Variants in ELAPOR2 observed in about 807,000 individuals in gnomAD.
The protein encoded by ELAPOR2 is endosome/lysosome-associated apoptosis and autophagy regulator family member 2.
In ELAPOR2, 89 loss-of-function variants were observed where a neutral mutation model predicts 120.7. The observed-to-expected ratio is 0.74, with a 90% CI of 0.62 to 0.88. The LOEUF is 0.88. Among genes scored for constraint, ELAPOR2 ranks in the 40% least tolerant of loss-of-function variants. The probability of loss-of-function intolerance (pLI) is 0.00; values close to 1 mark genes in which losing one functional copy is unlikely to be tolerated. For missense variants in ELAPOR2, 1,134 were observed against 1,251.6 expected, an observed-to-expected ratio of 0.91 and a Z score of 1.42; for synonymous variants, 444 against 444.9, an observed-to-expected ratio of 1.00 and a Z score of 0.03.
intron 21 of ELAPOR2, among the ~76,000 whole-genome samples, chr7:86,886,144 C>G (rs554643782): frequency 1.3e-5 from 2 of 152,272 alleles, no homozygotes; most frequent in African/African-American, 4.8e-5. Context: ...CCAAAACATT[C>G]AGGGACCTGC....
chr7:87,045,988 C>T (rs1794942598), intron 1 of ELAPOR2, among the ~76,000 whole-genome samples: 5 of 151,690 alleles, frequency 3.3e-5, no homozygotes, highest in Admixed American at 3.3e-4. Flanking sequence ...AAAAGGGCAT[C>T]CAAATTGGAA....
intron 1 of ELAPOR2, among the ~76,000 whole-genome samples, chr7:87,010,986 G>T (rs368892951): frequency 6.6e-6 from 1 of 151,908 alleles, no homozygotes; most frequent in African/African-American, 2.4e-5. Flanking sequence ...AAAATATACC[G>T]ACCAGGTGCA....
At chr7:86,924,755 TG>T (rs139183478) in intron 10 of ELAPOR2, among the ~76,000 whole-genome samples, 14,394 of 151,568 alleles carry the variant, frequency 0.095, 763 homozygotes, top group African/African-American at 0.13. Context: ...CTTTTTTTTT[TG>T]AATAGATATT....
intron 2 of ELAPOR2, among the ~76,000 whole-genome samples, chr7:86,956,575 C>G (rs934157679): frequency 2.6e-5 from 4 of 152,158 alleles, no homozygotes; most frequent in Non-Finnish European, 4.4e-5. Context: ...AAAACTGATA[C>G]GTGTGACACC....
At chr7:86,988,004 ATAC>A (rs1792812800) in intron 1 of ELAPOR2, among the ~76,000 whole-genome samples, 1 of 152,192 alleles carries the variant, frequency 6.6e-6, no homozygotes, top group Admixed American at 6.5e-5. Flanking sequence ...ACACCATGGA[ATAC>A]TATGCAGCCA....
intron 19 of ELAPOR2, among the ~76,000 whole-genome samples, chr7:86,895,840 C>T (rs1195697635): frequency 6.6e-6 from 1 of 151,904 alleles, no homozygotes. Flanking sequence ...TTTTCATTTA[C>T]TCTAAAAAAC....
At chr7:86,890,438 A>C (rs1385496041) in intron 21 of ELAPOR2, among the ~76,000 whole-genome samples, 1 of 151,968 alleles carries the variant, frequency 6.6e-6, no homozygotes, top group Non-Finnish European at 1.5e-5. Flanking sequence ...GTTCATTATG[A>C]ACATTCAGGT....
In ELAPOR2 at chr7:86,918,385, C is replaced by G. The variant is rs1789666405; in HGVS notation, c.1593+57G>C. 1.0e-5 allele frequency: 6 copies of G among 575,280 alleles called. No individual in the cohort carries two copies. In the South Asian group the frequency reaches 1.4e-4, roughly 13 times the overall value. 35.6% of individuals were successfully genotyped at this position (575,280 alleles called of 1,614,324 possible). The stretch of plus-strand genomic sequence containing the variant: ...CCAACTTGCCACAAATAAATTTACA[C>G]TTGAAGGAGAATGCTAAGCTTAGAA... On this transcript the variant is annotated intron_variant, in intron 12 of 21. Coordinates refer to ENST00000450689, the MANE Select transcript of ELAPOR2 (RefSeq NM_001142749.3).
intron 1 of ELAPOR2, among the ~76,000 whole-genome samples, chr7:87,017,231 C>G (rs1793898031): frequency 6.6e-6 from 1 of 152,028 alleles, no homozygotes; most frequent in Non-Finnish European, 1.5e-5. Context: ...GGGAATTTAT[C>G]CAAGGAAATA....
At chr7:86,939,846 G>C (rs186786171) in intron 6 of ELAPOR2, among the ~76,000 whole-genome samples, 164 bp downstream of exon 6, 1 of 152,090 alleles carries the variant, frequency 6.6e-6, no homozygotes, top group South Asian at 2.1e-4. Context: ...AACAACTGTC[G>C]ATTTCTTGGG....
chr7:86,930,474 C>G (rs1380453930), intron 8 of ELAPOR2, among the ~76,000 whole-genome samples: 1 of 151,862 alleles, frequency 6.6e-6, no homozygotes, highest in African/African-American at 2.4e-5. Context: ...TTTTAATATC[C>G]TCTATATCTT....
intron 1 of ELAPOR2, among the ~76,000 whole-genome samples, chr7:87,028,933 T>A (rs189221326): frequency 1.1e-3 from 162 of 152,338 alleles, no homozygotes; most frequent in African/African-American, 3.6e-3. Flanking sequence ...ATGATCATTT[T>A]AGGGTTTTTG....
chr7:87,024,737 C>A (rs778813677), intron 1 of ELAPOR2, among the ~76,000 whole-genome samples: 1 of 151,952 alleles, frequency 6.6e-6, no homozygotes, highest in African/African-American at 2.4e-5. Flanking sequence ...ACCGATCCCA[C>A]AGAAATACAA....
chr7:86,943,517 T>C lies in ELAPOR2; in HGVS notation c.654+1382A>G, dbSNP rs139318217. Among the ~76,000 whole-genome samples, 7 of 152,038 alleles carry C rather than the reference T, an allele frequency of 4.6e-5. No individual in the cohort carries two copies. In the East Asian group the frequency reaches 1.4e-3, roughly 29 times the overall value. On this transcript the variant is annotated intron_variant, in intron 4 of 21. Coordinates refer to ENST00000450689, the MANE Select transcript of ELAPOR2 (RefSeq NM_001142749.3). ...GCAACCTCTAAAGCTGAAACATCAATAGAAGAAGGAACATGAATTTGCCAT... is the reference window on the plus strand; with the variant it reads ...GCAACCTCTAAAGCTGAAACATCAACAGAAGAAGGAACATGAATTTGCCAT...
intron 1 of ELAPOR2, among the ~76,000 whole-genome samples, chr7:86,974,460 A>G (rs1792205270): frequency 6.6e-6 from 1 of 152,200 alleles, no homozygotes; most frequent in African/African-American, 2.4e-5. Flanking sequence ...GGGTACACAC[A>G]TAATAAGATT....
intron 15 of ELAPOR2, 65 bp downstream of exon 15, chr7:86,912,007 C>T (rs528442412): frequency 3.4e-6 from 5 of 1,479,482 alleles, no homozygotes; most frequent in East Asian, 2.3e-5. Flanking sequence ...TCCATTAACA[C>T]AGAAAATATC....
intron 2 of ELAPOR2, among the ~76,000 whole-genome samples, chr7:86,958,478 C>G (rs1371847068): frequency 2.0e-5 from 3 of 151,930 alleles, no homozygotes; most frequent in African/African-American, 7.3e-5. Context: ...TTATTTAACC[C>G]CCTTAACCAC....
chr7:86,952,527 T>C (rs971322917), intron 2 of ELAPOR2, among the ~76,000 whole-genome samples: 1 of 152,184 alleles, frequency 6.6e-6, no homozygotes, highest in Non-Finnish European at 1.5e-5. Flanking sequence ...TTCATTCCTA[T>C]CCTGAACTGT....
intron 3 of ELAPOR2, 37 bp downstream of exon 3, chr7:86,947,690 A>G: frequency 6.6e-7 from 1 of 1,507,000 alleles, no homozygotes; most frequent in Non-Finnish European, 9.0e-7. Context: ...CTTCTCAAAT[A>G]TTCAGTTAAG....
Sources: allele counts gnomAD v4.1 joint callset (sites outside exome capture counted in the v4.1 genomes callset), GRCh38; gene constraint gnomAD v4.1.1; transcripts MANE v1.5; gene names NCBI Gene and HGNC (gene_info 2026-07-23, HGNC 2026-07-21).